CLEC1A: variants seen among roughly 807,000 people sequenced by gnomAD.
CLEC1A encodes the protein C-type lectin-like receptor-1.
In CLEC1A, 34 loss-of-function variants were observed where a neutral mutation model predicts 28.7. That is an observed-to-expected ratio of 1.18 (90% confidence interval 0.90 to 1.57). CLEC1A has a LOEUF of 1.57. Ranked by LOEUF, CLEC1A falls within the 40% of genes most tolerant of loss-of-function variation. The pLI, the probability that CLEC1A is intolerant of heterozygous loss-of-function variation, is 0.00. For synonymous variants in CLEC1A, 116 were observed against 121.0 expected, an observed-to-expected ratio of 0.96 and a Z score of 0.27; for missense variants, 385 against 339.5, an observed-to-expected ratio of 1.13 and a Z score of -1.05.
chr12:10,087,948 T>C (rs1020579957), intron 2 of CLEC1A, among the ~76,000 whole-genome samples: 8 of 152,186 alleles, frequency 5.3e-5, no homozygotes, highest in African/African-American at 1.9e-4. Context: ...TACTGCTTGA[T>C]AAATATTTTT....
chr12:10,095,853 C>G (rs536689223), intron 1 of CLEC1A, among the ~76,000 whole-genome samples: 7 of 152,280 alleles, frequency 4.6e-5, no homozygotes, highest in Non-Finnish European at 8.8e-5. Context: ...CTCTCCAAGA[C>G]TCCTGCTTCT....
rs545909217 is a variant in CLEC1A at position 10,096,574 on chromosome 12, G to T, written c.115+2234C>A. The stretch of plus-strand genomic sequence containing the variant: ...TTTCTCCCTATCTAAATCCTGCATT[G>T]ACTTCATTTTAACTATTGAATAGAA... On this transcript the variant is annotated intron_variant, in intron 1 of 5. Transcript: ENST00000315330. Among the ~76,000 whole-genome samples, 160 of 152,106 alleles carry T rather than the reference G, an allele frequency of 1.1e-3. 1 individual carries two copies. The highest frequency in any genetic ancestry group is 3.8e-3 in the African/African-American group (156 of 41,468).
intron 1 of CLEC1A, among the ~76,000 whole-genome samples, chr12:10,096,849 A>G (rs1947783827): frequency 6.6e-6 from 1 of 152,146 alleles, no homozygotes; most frequent in African/African-American, 2.4e-5. Context: ...ACTCAACTCC[A>G]CAGTTGCTCC....
chr12:10,095,077 C>T (rs1001363767), intron 1 of CLEC1A, among the ~76,000 whole-genome samples: 1 of 152,072 alleles, frequency 6.6e-6, no homozygotes. Context: ...CTCTAAGCAC[C>T]TGAAAAAGAG....
chr12:10,075,671 A>G lies in CLEC1A; in HGVS notation c.392-16T>C. On this transcript the variant is annotated splice_polypyrimidine_tract_variant and intron_variant, in intron 3 of 5. Transcript: ENST00000315330. ...CACCTGTGTGCTTGGAAAAAAGCCA[A>G]TTTTATTGTTATTTTCTGCATGAGT... is the stretch of plus-strand genomic sequence containing the variant. 1.9e-6 allele frequency: 3 copies of G among 1,610,180 alleles called. No homozygotes were observed. Among genetic ancestry groups the G allele is most frequent in the African/African-American group, 2.7e-5 (2 of 74,876 alleles).
At chr12:10,085,196 AAC>A (rs144572464) in intron 2 of CLEC1A, among the ~76,000 whole-genome samples, 38,828 of 128,734 alleles carry the variant, frequency 0.3, 4,985 homozygotes, top group Middle Eastern at 0.42. Context: ...ATAAGACAAT[AAC>A]ACACACACAC....
chr12:10,094,538 C>T (rs10845035), intron 1 of CLEC1A, among the ~76,000 whole-genome samples: 114,646 of 151,614 alleles, frequency 0.76, 45,071 homozygotes, highest in Non-Finnish European at 0.88. Context: ...TGGAAGCAAC[C>T]TTTACAAAAA....
intron 2 of CLEC1A, 31 bp downstream of exon 2, chr12:10,089,093 G>C: frequency 6.6e-7 from 1 of 1,525,240 alleles, no homozygotes; most frequent in Admixed American, 1.7e-5. Flanking sequence ...TTGGAACCAG[G>C]ATCCTCCCCC....
chr12:10,098,424 A>G (rs1005317173), intron 1 of CLEC1A, among the ~76,000 whole-genome samples: 3 of 152,184 alleles, frequency 2.0e-5, no homozygotes, highest in Non-Finnish European at 4.4e-5. Flanking sequence ...TGTGGCCGTT[A>G]ATATTTTATA....
chr12:10,088,170 G>T (rs1866539809), intron 2 of CLEC1A, among the ~76,000 whole-genome samples: 1 of 152,104 alleles, frequency 6.6e-6, no homozygotes, highest in African/African-American at 2.4e-5. Flanking sequence ...TCAACATTCA[G>T]ATTTGAAATT....
chr12:10,075,653 G>C lies in CLEC1A; in HGVS notation c.394C>G (p.His132Asp). Residue 132 changes from histidine to aspartate, a missense_variant and splice_region_variant, in exon 4 of 6, where the codon CAC (histidine) becomes GAC (aspartate). Physicochemically the swap from His to Asp is moderately conservative, Grantham distance 81. Transcript: ENST00000315330. ...CRELYNKAGA[H>D]RCSPCTEQWK... ...TGTTCTGTACAAGGGCTGCACCTGT[G>C]TGCTTGGAAAAAAGCCAATTTTATT... 6.2e-7 allele frequency: 1 copy of C among 1,611,344 alleles called. No individual in the cohort carries two copies. Among genetic ancestry groups the C allele is most frequent in the Non-Finnish European group, 8.5e-7 (1 of 1,178,870 alleles).
chr12:10,087,503 TA>T, intron 2 of CLEC1A, among the ~76,000 whole-genome samples: 1 of 135,450 alleles, frequency 7.4e-6, no homozygotes, highest in Admixed American at 7.4e-5. Context: ...TATATATATA[TA>T]TATATATATA....
intron 4 of CLEC1A, 51 bp from the exon 5 acceptor site, chr12:10,073,462 C>T (rs761653139): frequency 6.0e-6 from 8 of 1,339,198 alleles, no homozygotes; most frequent in Non-Finnish European, 8.5e-6. Context: ...TGATTACTCA[C>T]ATGTACAGAC....
rs528084384 is a variant in CLEC1A, at chr12:10,076,825, T to C, written c.392-1170A>G. On this transcript the variant is annotated intron_variant, in intron 3 of 5. Transcript: ENST00000315330. ...GTTGTGAGAACTTAGATGGGTGATA[T>C]ATGCTTGGAGTGCTGTGCTGAAAAA... 2.0e-5 allele frequency among the ~76,000 whole-genome samples: 3 copies of C among 152,350 alleles called. No homozygotes were observed. The East Asian group carries it at 5.8e-4, about 29-fold the overall frequency.
chr12:10,083,618 G>T (rs1296404324), intron 2 of CLEC1A, among the ~76,000 whole-genome samples: 1 of 152,046 alleles, frequency 6.6e-6, no homozygotes, highest in Non-Finnish European at 1.5e-5. Context: ...GATTACAGGT[G>T]CCCACCACCA....
chr12:10,072,157 A>G (rs546716106), intron 5 of CLEC1A, among the ~76,000 whole-genome samples: 1 of 152,184 alleles, frequency 6.6e-6, no homozygotes, highest in East Asian at 1.9e-4. Flanking sequence ...CTGGTGGCTT[A>G]AAAGGGCCTG....
rs767249739 is a variant in CLEC1A, at chr12:10,089,253, G to C, written c.116-31C>G. ...GGGAACAGAAGAGAAAGCAGAGTTT[G>C]GCTTTTTCTTCCTCTTGCATCTAAG... On this transcript the variant is annotated intron_variant, in intron 1 of 5. Coordinates refer to ENST00000315330, the MANE Select transcript of CLEC1A (RefSeq NM_016511.4). The C allele has an allele frequency of 3.2e-5, 50 of 1,580,460 alleles. 1 individual carries two copies. The highest frequency in any genetic ancestry group is 7.8e-5 in the South Asian group (7 of 90,102).
In CLEC1A at chr12:10,081,266, A is replaced by T. The variant is rs898078993; in HGVS notation, c.362T>A (p.Leu121His). ...AGSLQHVAEK[L>H]CRELYNKAGA... The stretch of plus-strand genomic sequence containing the variant: ...AGCTTTGTTATACAGCTCACGACAG[A>T]GTTTTTCAGCCACATGCTGCAGACT... The change falls in exon 3 of 6, where the codon CTC becomes CAC. Residue 121 changes from leucine (L) to histidine (H), a missense_variant. Transcript: ENST00000315330. 1.2e-6 allele frequency: 2 copies of T among 1,609,846 alleles called. No individual in the cohort carries two copies. Among genetic ancestry groups the T allele is most frequent in the African/African-American group, 2.7e-5 (2 of 74,656 alleles).
At chr12:10,092,747 G>C (rs1947723535) in intron 1 of CLEC1A, among the ~76,000 whole-genome samples, 1 of 151,400 alleles carries the variant, frequency 6.6e-6, no homozygotes, top group Non-Finnish European at 1.5e-5. Context: ...TTCATGAAAA[G>C]AAAAAAAATA....
Sources: gnomAD v4.1 joint callset for allele counts (sites outside exome capture counted in the v4.1 genomes callset) on GRCh38, gnomAD v4.1.1 for gene constraint, MANE v1.5 for transcripts, NCBI Gene and HGNC (gene_info 2026-07-23, HGNC 2026-07-21) for gene names.